The following LYPLAL1 variants were observed in gnomAD, a reference collection of about 807,000 sequenced individuals.
LYPLAL1 encodes the protein lysophospholipase like 1.
Under a neutral mutation model 19.7 loss-of-function variants are expected in LYPLAL1, and 23 were observed. That is an observed-to-expected ratio of 1.17 (90% confidence interval 0.84 to 1.65). The LOEUF (loss-of-function observed/expected upper bound fraction) is 1.65, where lower values mean the gene tolerates loss of function less well. Among genes scored for constraint, LYPLAL1 ranks in the 40% most tolerant of loss-of-function variants. The pLI is 0.00. For synonymous variants in LYPLAL1, 119 were observed against 96.3 expected (o/e 1.24, Z -1.38); for missense variants, 355 against 279.4 (o/e 1.27, Z -1.93).
intron 4 of LYPLAL1, 34 bp downstream of exon 4, chr1:219,210,681 T>C (rs762980774): frequency 6.4e-7 from 1 of 1,571,518 alleles, no homozygotes; most frequent in East Asian, 2.3e-5. Flanking sequence ...ATGAAAAAAA[T>C]ATGAAATATA....
the LYPLAL1 span, among the ~76,000 whole-genome samples, chr1:219,233,219 A>G: frequency 6.6e-6 from 1 of 152,218 alleles, no homozygotes; most frequent in African/African-American, 2.4e-5. Context: ...TACGACATGG[A>G]TGAACCTTGA....
chr1:219,334,963 T>C, the LYPLAL1 span, among the ~76,000 whole-genome samples: 1 of 151,914 alleles, frequency 6.6e-6, no homozygotes, highest in African/African-American at 2.4e-5. Context: ...CCATGCTTGT[T>C]TGTGCTCCCA....
chr1:219,290,343 C>T, the LYPLAL1 span, among the ~76,000 whole-genome samples: 5 of 152,282 alleles, frequency 3.3e-5, no homozygotes, highest in Admixed American at 2.0e-4. Context: ...CTGAGACTTT[C>T]TGGGCTGCAT....
At chr1:219,224,884 TC>T in the LYPLAL1 span, among the ~76,000 whole-genome samples, 1 of 152,174 alleles carries the variant, frequency 6.6e-6, no homozygotes, top group African/African-American at 2.4e-5. Flanking sequence ...ATTTTCTAAT[TC>T]CATAGCCTGC....
the LYPLAL1 span, among the ~76,000 whole-genome samples, chr1:219,330,623 A>T: frequency 6.6e-6 from 1 of 152,230 alleles, no homozygotes; most frequent in Non-Finnish European, 1.5e-5. Flanking sequence ...ATGCTAAGCT[A>T]AAAAGAAGGC....
downstream of LYPLAL1, chr1:219,212,928 A>G (rs1659151387): frequency 6.6e-6 from 1 of 152,062 alleles, no homozygotes; most frequent in South Asian, 2.1e-4. Context: ...TGGCTGGGTT[A>G]TATTTTAGGC....
At chr1:219,383,741 T>C in the LYPLAL1 span, among the ~76,000 whole-genome samples, 1 of 152,236 alleles carries the variant, frequency 6.6e-6, no homozygotes, top group Non-Finnish European at 1.5e-5. Context: ...CATAGTAGCA[T>C]ATATTCCACT....
At chr1:219,315,617 C>T in the LYPLAL1 span, among the ~76,000 whole-genome samples, 1 of 152,056 alleles carries the variant, frequency 6.6e-6, no homozygotes, top group Non-Finnish European at 1.5e-5. Context: ...CCTTGAACCC[C>T]AAACACAATT....
At chr1:219,202,657 C>T (rs1658210207) in intron 3 of LYPLAL1, among the ~76,000 whole-genome samples, 2 of 152,110 alleles carry the variant, frequency 1.3e-5, no homozygotes, top group South Asian at 4.1e-4. Context: ...TAAGCACACA[C>T]AACCCATAGT....
At chr1:219,176,214 A>T (rs1017936945) in intron 1 of LYPLAL1, among the ~76,000 whole-genome samples, 1 of 152,162 alleles carries the variant, frequency 6.6e-6, no homozygotes, top group Admixed American at 6.5e-5. Flanking sequence ...AAAATAAATG[A>T]TAGGTTAATG....
At chr1:219,293,010 C>A in the LYPLAL1 span, among the ~76,000 whole-genome samples, 15 of 152,250 alleles carry the variant, frequency 9.9e-5, no homozygotes, top group East Asian at 2.9e-3. Context: ...AGCTCTGCAA[C>A]CTTTTAGCTG....
chr1:219,182,941 G>A (rs934873793), intron 2 of LYPLAL1, among the ~76,000 whole-genome samples: 1 of 152,148 alleles, frequency 6.6e-6, no homozygotes, highest in Non-Finnish European at 1.5e-5. Flanking sequence ...ACCCAAGCCA[G>A]TATTTATAGA....
chr1:219,310,045 T>G, the LYPLAL1 span, among the ~76,000 whole-genome samples: 1 of 152,194 alleles, frequency 6.6e-6, no homozygotes, highest in Non-Finnish European at 1.5e-5. Context: ...TAGTGTGCTC[T>G]CTGGGAAATA....
At chr1:219,244,681 T>C in the LYPLAL1 span, among the ~76,000 whole-genome samples, 1 of 152,044 alleles carries the variant, frequency 6.6e-6, no homozygotes, top group Non-Finnish European at 1.5e-5. Context: ...CACAGTGGCT[T>C]ACATCCGTAA....
the LYPLAL1 span, among the ~76,000 whole-genome samples, chr1:219,310,380 T>A: frequency 6.6e-6 from 1 of 152,228 alleles, no homozygotes; most frequent in Non-Finnish European, 1.5e-5. Context: ...CCTGGGAACC[T>A]TAACTCACAA....
chr1:219,306,144 G>A, the LYPLAL1 span, among the ~76,000 whole-genome samples: 3 of 152,216 alleles, frequency 2.0e-5, no homozygotes, highest in Non-Finnish European at 2.9e-5. Context: ...CTTCTTGAGT[G>A]TAGACTTTGA....
chr1:219,223,277 C>T, the LYPLAL1 span: 1 of 152,070 alleles, frequency 6.6e-6, no homozygotes, highest in Non-Finnish European at 1.5e-5. Flanking sequence ...TCCCTAATTT[C>T]TCCTCATTAA....
At chr1:219,327,759 A>G in the LYPLAL1 span, among the ~76,000 whole-genome samples, 3 of 152,082 alleles carry the variant, frequency 2.0e-5, no homozygotes, top group Admixed American at 6.5e-5. Flanking sequence ...AGTAGTAAAT[A>G]CGTCTCTTGA....
At chr1:219,262,464 A>G in the LYPLAL1 span, among the ~76,000 whole-genome samples, 2 of 152,082 alleles carry the variant, frequency 1.3e-5, no homozygotes, top group Non-Finnish European at 2.9e-5. Context: ...TGGGTACACT[A>G]TTTCAGAGGA....
Sources: allele counts gnomAD v4.1 joint callset (sites outside exome capture counted in the v4.1 genomes callset), GRCh38; gene constraint gnomAD v4.1.1; transcripts MANE v1.5; gene names NCBI Gene and HGNC (gene_info 2026-07-23, HGNC 2026-07-21).